Variants in SRP68 observed in about 807,000 individuals in gnomAD.
SRP68 encodes signal recognition particle subunit SRP68.
Under a neutral mutation model 82.2 loss-of-function variants are expected in SRP68, and 15 were observed. That is an observed-to-expected ratio of 0.18 (90% CI 0.12 to 0.28). The LOEUF (loss-of-function observed/expected upper bound fraction) is 0.28. Among genes scored for constraint, SRP68 ranks in the 10% least tolerant of loss-of-function variants. SRP68 has a pLI of 1.00. For synonymous variants in SRP68, 261 were observed against 292.6 expected, an observed-to-expected ratio of 0.89 and a Z score of 1.10; for missense variants, 595 against 780.5, an observed-to-expected ratio of 0.76 and a Z score of 2.83.
At chr17:76,055,807 CTTTTTTTTTTT>C (rs1032113845) in intron 8 of SRP68, among the ~76,000 whole-genome samples, 1 of 106,568 alleles carries the variant, frequency 9.4e-6, no homozygotes, top group African/African-American at 3.9e-5. Flanking sequence ...TTTTTTTCTT[CTTTTTTTTTTT>C]TTTTTTTTGG....
rs1357400598 is a variant in SRP68, at chr17:76,047,917, T to C, written c.1131A>G (p.Gln377=). The C allele has an allele frequency of 1.9e-6, 3 of 1,558,398 alleles. No homozygotes were observed. Among genetic ancestry groups the C allele is most frequent in the Non-Finnish European group, 2.6e-6 (3 of 1,147,632 alleles). ...EGEPGKVSNL[Q]YLHSYLTYIK... Reference sequence around the variant, plus strand: ...AAAATAACCCTTACCTATGCAAGTATTGAAGATTAGACACCTTCCCTGGCT... The same window carrying C: ...AAAATAACCCTTACCTATGCAAGTACTGAAGATTAGACACCTTCCCTGGCT... Residue 377 remains glutamine, a synonymous_variant, in exon 10 of 16, where the codon CAA becomes CAG. Coordinates refer to ENST00000307877, the MANE Select transcript of SRP68 (RefSeq NM_014230.4).
intron 7 of SRP68, among the ~76,000 whole-genome samples, chr17:76,058,615 T>G (rs995426367): frequency 6.6e-6 from 1 of 152,154 alleles, no homozygotes; most frequent in Non-Finnish European, 1.5e-5. Flanking sequence ...GCTACAGAAA[T>G]TCAAATATTA....
intron 4 of SRP68, 89 bp from the exon 5 acceptor site, chr17:76,061,663 C>A (rs566426985): frequency 1.8e-6 from 2 of 1,121,078 alleles, no homozygotes; most frequent in East Asian, 5.1e-5. Context: ...ACTTTGATAT[C>A]AAGAATATGG....
intron 4 of SRP68, among the ~76,000 whole-genome samples, chr17:76,062,022 C>T (rs923316541): frequency 1.3e-5 from 2 of 152,004 alleles, no homozygotes; most frequent in African/African-American, 4.8e-5. Context: ...CGCAGTGGCT[C>T]ATGCCTGTAA....
chr17:76,041,202 G>A (rs1444473620), intron 13 of SRP68: 1 of 442,670 alleles, frequency 2.3e-6, no homozygotes, highest in Non-Finnish European at 4.1e-6. Flanking sequence ...TAAAGATGAT[G>A]TTAATATTAA....
At position 76,069,231 on chromosome 17, in the gene SRP68, T is replaced by C. The variant is rs376267751; in HGVS notation, c.251+1147A>G. 3.3e-5 allele frequency among the ~76,000 whole-genome samples: 5 copies of C among 149,500 alleles called. No individual in the cohort carries two copies. In the East Asian group the frequency reaches 9.9e-4, roughly 30 times the overall value. On this transcript the variant is annotated intron_variant, in intron 2 of 15. Transcript: ENST00000307877. Reference sequence around the variant, plus strand: ...GGTGAAACCCCATCTCTACTAAAAATACAAAAATTAGCCAGGCATGGTGGT... The same window carrying C: ...GGTGAAACCCCATCTCTACTAAAAACACAAAAATTAGCCAGGCATGGTGGT...
intron 7 of SRP68, among the ~76,000 whole-genome samples, chr17:76,059,427 A>C (rs2144512347): frequency 6.6e-6 from 1 of 152,200 alleles, no homozygotes; most frequent in South Asian, 2.1e-4. Flanking sequence ...CTGTAATCCC[A>C]GCTACTTGGG....
rs1473699379 is a variant in SRP68, at chr17:76,071,060, C to T, written c.185-616G>A. On this transcript the variant is annotated intron_variant, in intron 1 of 15. Coordinates refer to ENST00000307877, the MANE Select transcript of SRP68 (RefSeq NM_014230.4). The surrounding 1 kb of genome is among the most constrained non-coding windows in gnomAD (Gnocchi z 4.7). The stretch of plus-strand genomic sequence containing the variant: ...CTGCCAAAACCCAGTTTAAATTAAG[C>T]TGATGGATTCTAAATGCTGACTATA... Among the ~76,000 whole-genome samples, 2 of 152,176 alleles carry T rather than the reference C, an allele frequency of 1.3e-5. No homozygotes were observed. The highest frequency in any genetic ancestry group is 2.9e-5 in the Non-Finnish European group (2 of 68,042).
chr17:76,040,301 G>A (rs981971132), intron 15 of SRP68, 118 bp downstream of exon 15: 1 of 969,842 alleles, frequency 1.0e-6, no homozygotes, highest in Middle Eastern at 2.1e-4. Context: ...GTAAGAGAAG[G>A]GAGGGAGGTG....
rs144739272 is a variant in SRP68, at chr17:76,064,026, G to A, written c.511C>T (p.Arg171Cys). ...KAVKHAEELERLCESNRVDAK... is the reference protein window; with the variant it reads ...KAVKHAEELECLCESNRVDAK... ...TCCACGCGATTGCTCTCACACAAGC[G>A]TTCCAATTCCTCTGCATGCTTCACG... is the stretch of plus-strand genomic sequence containing the variant. Residue 171 changes from arginine (R) to cysteine (C), a missense_variant, in exon 4 of 16, where the codon CGC (arginine) becomes TGC (cysteine). By Grantham distance (180) the Arg-to-Cys change is radical. Coordinates refer to ENST00000307877, the MANE Select transcript of SRP68 (RefSeq NM_014230.4). 2.2e-5 allele frequency: 35 copies of A among 1,614,104 alleles called. No homozygotes were observed. Among genetic ancestry groups the A allele is most frequent in the Middle Eastern group, 1.6e-4 (1 of 6,084 alleles).
rs1176299180 is a variant in SRP68, at chr17:76,039,841, G to A, written c.1749C>T (p.Pro583=). 2 of 1,614,236 alleles carry A rather than the reference G, an allele frequency of 1.2e-6. No individual in the cohort carries two copies. Residue 583 remains proline, a synonymous_variant, in exon 16 of 16, where the codon CCC becomes CCT. Coordinates refer to ENST00000307877, the MANE Select transcript of SRP68 (RefSeq NM_014230.4). ...CAAAGAACAAAGGCTTGCAGGGAAT[G>A]GGCTGGAAGCCTGGTGGGAAGTGCA... is the stretch of plus-strand genomic sequence containing the variant. ...NLVHFPPGFQ[P]IPCKPLFFDL...
chr17:76,054,614 G>A (rs1398544547), intron 8 of SRP68, among the ~76,000 whole-genome samples: 1 of 152,162 alleles, frequency 6.6e-6, no homozygotes, highest in Non-Finnish European at 1.5e-5. Flanking sequence ...CACTTTGGGA[G>A]GCCGAGGCGG....
At chr17:76,063,225 A>G (rs2066782560) in intron 4 of SRP68, among the ~76,000 whole-genome samples, 1 of 152,108 alleles carries the variant, frequency 6.6e-6, no homozygotes. Flanking sequence ...TTACTTAACC[A>G]TTTTCTGAGC....
At chr17:76,046,712 C>T (rs923534344) in intron 10 of SRP68, among the ~76,000 whole-genome samples, 3 of 152,042 alleles carry the variant, frequency 2.0e-5, no homozygotes, top group South Asian at 2.1e-4. Context: ...GAGGCCGAGG[C>T]GGGCGGATCA....
intron 3 of SRP68, 112 bp from the exon 4 acceptor site, chr17:76,064,283 C>T (rs1468626481): frequency 2.2e-6 from 2 of 902,708 alleles, no homozygotes; most frequent in Non-Finnish European, 3.4e-6. Flanking sequence ...CCGCCTTTGC[C>T]ACTCTCAAAA....
intron 3 of SRP68, 39 bp from the exon 4 acceptor site, chr17:76,064,210 T>C (rs2066790068): frequency 1.3e-6 from 2 of 1,570,990 alleles, no homozygotes; most frequent in Non-Finnish European, 1.7e-6. Flanking sequence ...ATAAAGGCCA[T>C]CAACAGACCC....
At chr17:76,053,092 T>G (rs952923203) in intron 8 of SRP68, among the ~76,000 whole-genome samples, 2 of 151,392 alleles carry the variant, frequency 1.3e-5, no homozygotes, top group Admixed American at 1.3e-4. Flanking sequence ...CAAAACCCCA[T>G]GTCTACAAAA....
At position 76,040,942 on chromosome 17, in the gene SRP68, G is replaced by A. The variant is rs775156164; in HGVS notation, c.1561C>T (p.Arg521Trp). 2.5e-6 allele frequency: 4 copies of A among 1,614,032 alleles called. No homozygotes were observed. Among genetic ancestry groups the A allele is most frequent in the Admixed American group, 1.7e-5 (1 of 60,008 alleles). Residue 521 changes from arginine (R) to tryptophan (W), a missense_variant, in exon 14 of 16, where the codon CGG becomes TGG. Coordinates refer to ENST00000307877, the MANE Select transcript of SRP68 (RefSeq NM_014230.4). ...PDVQELITQV[R>W]SEKCSLQAAA... is the part of the protein sequence containing the mutation. ...GCCTGCAGGGAGCACTTCTCTGACC[G>A]CACTTGAGTGATGAGCTCTTGCACA...
Position 76,045,330 on chromosome 17 carries a change from T to C in SRP68, c.1356A>G (p.Lys452=). ...ACACCAGAGTCTTGAGGCCTATCTC[T>C]TTCTGGAAGGCTTTGTCTTCCTCTA... ...PGLEEDKAFQ[K]EIGLKTLVFK... Residue 452 remains lysine, a synonymous_variant, in exon 12 of 16, where the codon AAA becomes AAG. Transcript: ENST00000307877. The C allele has an allele frequency of 6.2e-7, 1 of 1,613,820 alleles. No homozygotes were observed. The highest frequency in any genetic ancestry group is 8.5e-7 in the Non-Finnish European group (1 of 1,179,750).
Sources: allele counts gnomAD v4.1 joint callset (sites outside exome capture counted in the v4.1 genomes callset), GRCh38; gene constraint gnomAD v4.1.1; non-coding constraint Gnocchi (gnomAD v3.1); transcripts MANE v1.5; gene names NCBI Gene and HGNC (gene_info 2026-07-23, HGNC 2026-07-21).